NALF1: variants seen among roughly 807,000 people sequenced by gnomAD.
NALF1 encodes NALCN channel auxiliary factor 1, also known as family with sequence similarity 155 member A.
In NALF1, 3 loss-of-function variants were observed where a neutral mutation model predicts 48.4. The observed-to-expected ratio is 0.06, with a 90% CI of 0.03 to 0.16. The LOEUF (loss-of-function observed/expected upper bound fraction) is 0.16, where lower values mean the gene tolerates loss of function less well. NALF1 is among the 10% of genes least tolerant of loss of function. The pLI, the probability that NALF1 is intolerant of heterozygous loss-of-function variation, is 1.00. For synonymous variants in NALF1, 262 were observed against 245.7 expected (o/e 1.07, Z -0.62); for missense variants, 526 against 571.5 (o/e 0.92, Z 0.81).
In NALF1 at chr13:107,482,778, GAGA is replaced by G. The variant is rs572506708; in HGVS notation, c.916-272026_916-272024del. On this transcript the variant is annotated intron_variant, in intron 1 of 2. Transcript: ENST00000375915. ...AAACTGTGAGGCTTTGACAGTCAAG[GAGA>G]AGAATATGAGAAAACGCAGTCCCAA... is the stretch of plus-strand genomic sequence containing the variant. Among the ~76,000 whole-genome samples the G allele has an allele frequency of 7.9e-5, 12 of 152,276 alleles. No homozygotes were observed. The South Asian group carries it at 2.5e-3, about 32-fold the overall frequency.
At position 107,861,111 on chromosome 13, in the gene NALF1, A is replaced by C. The variant is rs139622059; in HGVS notation, c.915+4571T>G. On this transcript the variant is annotated intron_variant, in intron 1 of 2. Transcript: ENST00000375915. ...TTTCTATAAAAATAAAACACAAATC[A>C]TAAATCAATAGTTGTACATGGAGCA... Among the ~76,000 whole-genome samples the C allele has an allele frequency of 5.3e-3, 802 of 152,336 alleles. 7 individuals are homozygous for C. The highest frequency in any genetic ancestry group is 0.019 in the South Asian group (90 of 4,830).
chr13:107,310,126 T>C (rs944845037), intron 1 of NALF1, among the ~76,000 whole-genome samples: 3 of 152,076 alleles, frequency 2.0e-5, no homozygotes, highest in Non-Finnish European at 4.4e-5. Flanking sequence ...ATATAACTTC[T>C]GGGCTGGGTG....
At chr13:107,595,082 G>A (rs761572287) in intron 1 of NALF1, among the ~76,000 whole-genome samples, 4 of 152,014 alleles carry the variant, frequency 2.6e-5, no homozygotes, top group African/African-American at 4.8e-5. Context: ...GTTAGAAAGC[G>A]TTCAAGGAAC....
chr13:107,663,533 G>A (rs1211690131), intron 1 of NALF1, among the ~76,000 whole-genome samples: 1 of 152,170 alleles, frequency 6.6e-6, no homozygotes, highest in Non-Finnish European at 1.5e-5. Flanking sequence ...GTATTTTCAT[G>A]TGTTTTGTTT....
rs1307800517 is a variant in NALF1, at chr13:107,539,481, G to T, written c.915+326201C>A. 1.3e-5 allele frequency among the ~76,000 whole-genome samples: 2 copies of T among 149,818 alleles called. 1 individual carries two copies. Among genetic ancestry groups the T allele is most frequent in the African/African-American group, 5.1e-5 (2 of 39,332 alleles). ...ATTTGAGATTAGATTTCCAACACAT[G>T]AATTTGGGGAACACATTCAAACACC... On this transcript the variant is annotated intron_variant, in intron 1 of 2. Coordinates refer to ENST00000375915, the MANE Select transcript of NALF1 (RefSeq NM_001080396.3).
chr13:107,457,602 C>A (rs1476636546), intron 1 of NALF1, among the ~76,000 whole-genome samples: 1 of 152,196 alleles, frequency 6.6e-6, no homozygotes, highest in Non-Finnish European at 1.5e-5. Context: ...TATATCTTCA[C>A]AGGCAAAGAT....
At chr13:107,381,403 G>T (rs574472984) in intron 1 of NALF1, among the ~76,000 whole-genome samples, 12 of 151,876 alleles carry the variant, frequency 7.9e-5, no homozygotes, top group Non-Finnish European at 1.5e-4. Context: ...TCACTGTGTT[G>T]CCCAGGCTGG....
At chr13:107,610,860 G>A (rs555667047) in intron 1 of NALF1, among the ~76,000 whole-genome samples, 7 of 152,110 alleles carry the variant, frequency 4.6e-5, no homozygotes, top group Middle Eastern at 3.2e-3. Context: ...TCATCAGTGG[G>A]GGACCAGGGG....
At chr13:107,782,101 C>T (rs1258948237) in intron 1 of NALF1, among the ~76,000 whole-genome samples, 1 of 152,174 alleles carries the variant, frequency 6.6e-6, no homozygotes. Flanking sequence ...CCTCTGATGC[C>T]GAGCCGAAGC....
chr13:107,294,077 T>G (rs1049280733), intron 1 of NALF1, among the ~76,000 whole-genome samples: 4 of 152,174 alleles, frequency 2.6e-5, no homozygotes, highest in African/African-American at 9.6e-5. Flanking sequence ...AGAAGGACTC[T>G]GCCTGCAGAT....
At chr13:107,186,363 CTATTTATT>C (rs540185577) in intron 2 of NALF1, among the ~76,000 whole-genome samples, 4 of 151,934 alleles carry the variant, frequency 2.6e-5, no homozygotes, top group African/African-American at 9.7e-5. Context: ...TGCATATTTT[CTATTTATT>C]TATTTATTTA....
At chr13:107,462,665 G>A (rs918481662) in intron 1 of NALF1, among the ~76,000 whole-genome samples, 1 of 152,140 alleles carries the variant, frequency 6.6e-6, no homozygotes, top group African/African-American at 2.4e-5. Flanking sequence ...TGCCCTATGA[G>A]AGCAGCACTA....
rs147265066 is a variant in NALF1 at position 107,396,466 on chromosome 13, A to G, written c.916-185711T>C. Among the ~76,000 whole-genome samples, 350 of 152,260 alleles carry G rather than the reference A, an allele frequency of 2.3e-3. 1 individual carries two copies. Among genetic ancestry groups the G allele is most frequent in the Non-Finnish European group, 3.6e-3 (247 of 68,002 alleles). On this transcript the variant is annotated intron_variant, in intron 1 of 2. Coordinates refer to ENST00000375915, the MANE Select transcript of NALF1 (RefSeq NM_001080396.3). ...TGCTACCAAGAACATATACAGTGAA[A>G]GCTCTTTACAATCAGGAAAGCATCT...
chr13:107,806,593 CA>C (rs1217181739), intron 1 of NALF1, among the ~76,000 whole-genome samples: 1 of 151,972 alleles, frequency 6.6e-6, no homozygotes, highest in Non-Finnish European at 1.5e-5. Context: ...AATGTCTATA[CA>C]TAAGGTTGAT....
intron 1 of NALF1, among the ~76,000 whole-genome samples, chr13:107,715,222 A>G (rs527816925): frequency 1.5e-4 from 23 of 151,114 alleles, no homozygotes; most frequent in African/African-American, 5.3e-4. Flanking sequence ...TTTTTTTTGA[A>G]ACAGAGTTTC....
At chr13:107,463,670 G>A (rs1452770135) in intron 1 of NALF1, among the ~76,000 whole-genome samples, 2 of 152,132 alleles carry the variant, frequency 1.3e-5, no homozygotes, top group African/African-American at 2.4e-5. Flanking sequence ...CAAAAGCCTT[G>A]TTACAGAGGT....
chr13:107,230,327 T>C (rs1452568816), intron 1 of NALF1, among the ~76,000 whole-genome samples: 1 of 152,152 alleles, frequency 6.6e-6, no homozygotes, highest in Non-Finnish European at 1.5e-5. Flanking sequence ...GGCACCTTTA[T>C]TTTTCTCTCC....
intron 1 of NALF1, among the ~76,000 whole-genome samples, chr13:107,321,635 A>T (rs1882256710): frequency 6.6e-6 from 1 of 152,122 alleles, no homozygotes; most frequent in Admixed American, 6.6e-5. Flanking sequence ...TTTGGTTTCC[A>T]CCAACTTCCA....
chr13:107,315,779 A>G (rs1327969934), intron 1 of NALF1, among the ~76,000 whole-genome samples: 1 of 151,498 alleles, frequency 6.6e-6, no homozygotes, highest in African/African-American at 2.4e-5. Flanking sequence ...TTTGCTTAAA[A>G]TTATTTTTGT....
Sources: gnomAD v4.1 joint callset for allele counts (sites outside exome capture counted in the v4.1 genomes callset) on GRCh38, gnomAD v4.1.1 for gene constraint, MANE v1.5 for transcripts, NCBI Gene and HGNC (gene_info 2026-07-23, HGNC 2026-07-21) for gene names.